YWHAQ: variants seen among roughly 807,000 people sequenced by gnomAD.
YWHAQ encodes tyrosine 3-monooxygenase/tryptophan 5-monooxygenase activation protein theta.
A neutral mutation model predicts 28.3 loss-of-function variants in YWHAQ; 6 were observed. That is an observed-to-expected ratio of 0.21 (90% confidence interval 0.12 to 0.42). The LOEUF (loss-of-function observed/expected upper bound fraction) is 0.42. Among genes scored for constraint, YWHAQ ranks in the 10% least tolerant of loss-of-function variants. The probability of loss-of-function intolerance (pLI) is 1.00; values close to 1 mark genes in which losing one functional copy is unlikely to be tolerated. For synonymous variants in YWHAQ, 143 were observed against 119.1 expected, an observed-to-expected ratio of 1.20 and a Z score of -1.31; for missense variants, 201 against 305.6, an observed-to-expected ratio of 0.66 and a Z score of 2.55.
chr2:9,588,151 G>T lies in YWHAQ; in HGVS notation c.582+14C>A. The T allele has an allele frequency of 6.6e-7, 1 of 1,521,740 alleles. No homozygotes were observed. The highest frequency in any genetic ancestry group is 1.3e-5 in the South Asian group (1 of 74,568). The allele number at this position is 1,521,740 out of a possible 1,614,324, so 94.3% of individuals were successfully genotyped here. On this transcript the variant is annotated intron_variant, in intron 4 of 5. Coordinates refer to ENST00000238081, the MANE Select transcript of YWHAQ (RefSeq NM_006826.4). ...CTGTAGCTAAAGTACGTATTTCCTGGACACACATCTTACCGTTTTAGCCAG... is the reference window on the plus strand; with the variant it reads ...CTGTAGCTAAAGTACGTATTTCCTGTACACACATCTTACCGTTTTAGCCAG...
chr2:9,585,904 T>G (rs1666334065), intron 5 of YWHAQ, among the ~76,000 whole-genome samples: 1 of 115,140 alleles, frequency 8.7e-6, no homozygotes, highest in Non-Finnish European at 1.8e-5. Flanking sequence ...CAGGGTGAGA[T>G]CCTTTCTCAA....
At chr2:9,591,347 C>CT (rs758097076) in intron 3 of YWHAQ, 45 bp downstream of exon 3, 54 of 1,583,642 alleles carry the variant, frequency 3.4e-5, no homozygotes, top group Admixed American at 8.5e-5. Context: ...ATCCCCATTT[C>CT]TTTTTTTTAT....
At position 9,630,070 on chromosome 2, in the gene YWHAQ, C is replaced by G. The variant is rs1043086029; in HGVS notation, c.294+89G>C. 40 of 1,527,042 alleles carry G rather than the reference C, an allele frequency of 2.6e-5. No individual in the cohort carries two copies. Among genetic ancestry groups the G allele is most frequent in the Non-Finnish European group, 3.5e-5 (40 of 1,128,792 alleles). 94.6% of individuals were successfully genotyped at this position (1,527,042 alleles called of 1,614,324 possible). On this transcript the variant is annotated intron_variant, in intron 2 of 5. Transcript: ENST00000238081. This position sits in a 1 kb window ranked among gnomAD's most constrained non-coding sequence, Gnocchi z 5.6. ...ACCCCAGCAGACAGTCCGGCAAGCC[C>G]CGGCTCACGTTTGTTTCCGTGCCCG...
intron 2 of YWHAQ, among the ~76,000 whole-genome samples, chr2:9,621,363 G>A (rs796840714): frequency 6.6e-5 from 10 of 152,122 alleles, no homozygotes; most frequent in African/African-American, 2.4e-4. Flanking sequence ...CGTATCTTGA[G>A]GATAACAAGA....
intron 2 of YWHAQ, among the ~76,000 whole-genome samples, chr2:9,601,407 A>G (rs56372340): frequency 0.15 from 22,892 of 152,102 alleles, 2,116 homozygotes; most frequent in Middle Eastern, 0.24. Context: ...TGCAGTGAGC[A>G]GTGAGCCAGA....
intron 2 of YWHAQ, among the ~76,000 whole-genome samples, chr2:9,608,714 C>T (rs990832110): frequency 6.6e-6 from 1 of 152,132 alleles, no homozygotes; most frequent in African/African-American, 2.4e-5. Flanking sequence ...TTTGGGAGGC[C>T]GAGGTGGGTG....
At chr2:9,587,215 C>T (rs553458953) in intron 5 of YWHAQ, among the ~76,000 whole-genome samples, 199 bp downstream of exon 5, 7 of 152,282 alleles carry the variant, frequency 4.6e-5, no homozygotes, top group Admixed American at 3.3e-4. Flanking sequence ...CATGTTAGAA[C>T]CTTCTCAGGA....
intron 2 of YWHAQ, among the ~76,000 whole-genome samples, chr2:9,614,020 G>A (rs1176459575): frequency 6.6e-6 from 1 of 152,140 alleles, no homozygotes; most frequent in East Asian, 1.9e-4. Flanking sequence ...TTCATCCAAT[G>A]CAGCCTAACC....
chr2:9,602,857 AAAAAAATATATATATATAT>A (rs1666735907), intron 2 of YWHAQ, among the ~76,000 whole-genome samples: 1 of 14,234 alleles, frequency 7.0e-5, no homozygotes, highest in African/African-American at 3.2e-4. Context: ...AAAAAAAAAA[AAAAAAATATATATATATAT>A]ATATATATAT....
At chr2:9,607,207 CTTTTTTTTTTT>C (rs1213569922) in intron 2 of YWHAQ, among the ~76,000 whole-genome samples, 1 of 129,092 alleles carries the variant, frequency 7.7e-6, no homozygotes, top group African/African-American at 2.8e-5. Context: ...TTTTTTTTTT[CTTTTTTTTTTT>C]GAGACAGGGT....
At chr2:9,588,353 T>A (rs1312487116) in intron 3 of YWHAQ, 25 bp from the exon 4 acceptor site, 1 of 1,600,532 alleles carries the variant, frequency 6.2e-7, no homozygotes, top group Middle Eastern at 1.7e-4. Flanking sequence ...AAATAAGAAG[T>A]GCAATATTAA....
intron 2 of YWHAQ, among the ~76,000 whole-genome samples, chr2:9,597,539 G>A (rs946985286): frequency 2.4e-4 from 36 of 151,298 alleles, no homozygotes; most frequent in East Asian, 3.9e-4. Context: ...CCAGCTACTC[G>A]GGAGGCTGAG....
intron 5 of YWHAQ, 137 bp from the exon 6 acceptor site, chr2:9,585,482 C>T: frequency 2.1e-6 from 2 of 946,582 alleles, no homozygotes; most frequent in Non-Finnish European, 3.2e-6. Flanking sequence ...CTGAAGTTCT[C>T]TCTCAAAACC....
chr2:9,627,923 G>A (rs914700082), intron 2 of YWHAQ, among the ~76,000 whole-genome samples: 10 of 152,168 alleles, frequency 6.6e-5, no homozygotes, highest in African/African-American at 2.4e-4. Context: ...GTATCTTTGT[G>A]AAGCCTTTTC....
chr2:9,612,028 A>G (rs1666958954), intron 2 of YWHAQ, among the ~76,000 whole-genome samples: 1 of 152,174 alleles, frequency 6.6e-6, no homozygotes, highest in South Asian at 2.1e-4. Flanking sequence ...CTGATCTCCC[A>G]GCCACCTACG....
intron 2 of YWHAQ, among the ~76,000 whole-genome samples, chr2:9,612,376 G>A (rs1383403117): frequency 6.6e-6 from 1 of 152,126 alleles, no homozygotes; most frequent in Non-Finnish European, 1.5e-5. Context: ...ACATTGTTCT[G>A]CAGACTCAAG....
At chr2:9,594,040 C>T (rs181515853) in intron 2 of YWHAQ, among the ~76,000 whole-genome samples, 228 of 151,654 alleles carry the variant, frequency 1.5e-3, no homozygotes, top group African/African-American at 5.2e-3. Flanking sequence ...GTATCGAAGT[C>T]TCAGAAGTTT....
intron 2 of YWHAQ, among the ~76,000 whole-genome samples, chr2:9,600,573 T>C (rs1425705937): frequency 2.0e-5 from 3 of 151,964 alleles, no homozygotes; most frequent in Non-Finnish European, 4.4e-5. Context: ...GGTGTGGTGG[T>C]GCATGCCTGT....
chr2:9,591,557 C>T (rs757948276), intron 2 of YWHAQ, 42 bp from the exon 3 acceptor site: 8 of 1,576,598 alleles, frequency 5.1e-6, no homozygotes, highest in Non-Finnish European at 6.9e-6. Flanking sequence ...AAACTTCTGC[C>T]TACTGTGCAT....
Sources: allele counts gnomAD v4.1 joint callset (sites outside exome capture counted in the v4.1 genomes callset), GRCh38; gene constraint gnomAD v4.1.1; non-coding constraint Gnocchi (gnomAD v3.1); transcripts MANE v1.5; gene names NCBI Gene and HGNC (gene_info 2026-07-23, HGNC 2026-07-21).